NHERF2: variants seen among roughly 807,000 people sequenced by gnomAD.
The protein encoded by NHERF2 is NHERF family PDZ scaffold protein 2.
the NHERF2 span, chr16:2,037,422 G>T: frequency 9.9e-7 from 1 of 1,009,228 alleles, no homozygotes; most frequent in Non-Finnish European, 1.5e-6. Flanking sequence ...AGAGGCCCGA[G>T]GCCCCCTGCC....
chr16:2,029,600 G>A, the NHERF2 span: 1 of 1,578,064 alleles, frequency 6.3e-7, no homozygotes, highest in African/African-American at 1.3e-5. Context: ...AAGGATCAAG[G>A]CTGTGGAGGG....
chr16:2,036,529 T>C, the NHERF2 span: 36 of 1,560,650 alleles, frequency 2.3e-5, no homozygotes, highest in Non-Finnish European at 3.0e-5. Flanking sequence ...GGCTGCGGGG[T>C]GCCGAGTGCC....
the NHERF2 span, chr16:2,036,371 G>C: frequency 6.2e-7 from 1 of 1,610,704 alleles, no homozygotes. Flanking sequence ...TCTGCCACCT[G>C]CGAAAGGGAC....
chr16:2,033,547 CAATGAAGGCCTTTCT>C, the NHERF2 span: 2 of 1,124,836 alleles, frequency 1.8e-6, no homozygotes, highest in Admixed American at 5.4e-5. Flanking sequence ...CGCTGAGCAA[CAATGAAGGCCTTTCT>C]CTGCCAGGGC....
the NHERF2 span, chr16:2,029,606 G>A: frequency 6.3e-7 from 1 of 1,579,486 alleles, no homozygotes. Context: ...CAAGGCTGTG[G>A]AGGGGCAGAC....
chr16:2,029,709 C>G, the NHERF2 span: 1 of 1,556,262 alleles, frequency 6.4e-7, no homozygotes, highest in African/African-American at 1.4e-5. Flanking sequence ...GGGCTCCCAC[C>G]CGCCCACGAC....
the NHERF2 span, among the ~76,000 whole-genome samples, chr16:2,031,880 C>T: frequency 6.6e-6 from 1 of 151,908 alleles, no homozygotes; most frequent in African/African-American, 2.4e-5. Context: ...TTAGTAGAGA[C>T]GGGGTTTCAC....
chr16:2,037,111 T>C, the NHERF2 span: 3 of 1,274,202 alleles, frequency 2.4e-6, no homozygotes, highest in South Asian at 2.6e-5. Context: ...TGACACCCGA[T>C]TTTAGCCCTG....
the NHERF2 span, chr16:2,037,549 C>T: frequency 3.1e-6 from 5 of 1,611,678 alleles, no homozygotes; most frequent in South Asian, 1.1e-5. Context: ...TCAATGGTGG[C>T]TCTGCGTGCT....
At chr16:2,036,567 G>T in the NHERF2 span, 2 of 1,528,212 alleles carry the variant, frequency 1.3e-6, no homozygotes, top group Non-Finnish European at 8.8e-7. Context: ...GGGGCCCTGG[G>T]TCCTTGCAGG....
the NHERF2 span, chr16:2,036,037 G>A: frequency 1.4e-5 from 6 of 443,524 alleles, no homozygotes; most frequent in East Asian, 2.2e-4. Flanking sequence ...CTCCCACCCT[G>A]CCTGTGCGCC....
chr16:2,035,860 G>A, the NHERF2 span: 10 of 216,194 alleles, frequency 4.6e-5, 1 homozygote, highest in South Asian at 3.4e-4. Flanking sequence ...AGCCGCCACC[G>A]CAGCCAGCCC....
At chr16:2,032,224 T>C in the NHERF2 span, among the ~76,000 whole-genome samples, 1 of 152,100 alleles carries the variant, frequency 6.6e-6, no homozygotes, top group Non-Finnish European at 1.5e-5. The surrounding 1 kb of genome is among the most constrained non-coding windows in gnomAD (Gnocchi z 4.0). Context: ...TTCACCGTGT[T>C]GGCCAGGCTG....
chr16:2,029,862 TG>T, the NHERF2 span: 1 of 1,274,912 alleles, frequency 7.8e-7, no homozygotes, highest in Non-Finnish European at 1.1e-6. Context: ...TCTTTGCCTT[TG>T]GTCACCTCCA....
chr16:2,038,291 G>C, the NHERF2 span: 1 of 540,790 alleles, frequency 1.8e-6, no homozygotes, highest in Non-Finnish European at 3.4e-6. Flanking sequence ...GCCGCGGGGC[G>C]AGGGCCTTTG....
At chr16:2,036,732 A>C in the NHERF2 span, 1 of 1,611,914 alleles carries the variant, frequency 6.2e-7, no homozygotes, top group South Asian at 1.1e-5. Flanking sequence ...CGGCAGGTGA[A>C]CGGGCAGAAT....
At chr16:2,031,862 T>G in the NHERF2 span, among the ~76,000 whole-genome samples, 1 of 151,960 alleles carries the variant, frequency 6.6e-6, no homozygotes, top group Non-Finnish European at 1.5e-5. Context: ...TGACTAATTT[T>G]TGTGTTTTTA....
chr16:2,036,211 C>A, the NHERF2 span: 2 of 1,118,812 alleles, frequency 1.8e-6, no homozygotes, highest in East Asian at 2.6e-5. Context: ...GAGACCTGGG[C>A]CTGCCCGTGG....
At chr16:2,036,247 T>C in the NHERF2 span, 1,403 of 1,428,542 alleles carry the variant, frequency 9.8e-4, 12 homozygotes, top group African/African-American at 0.017. Context: ...GTTTGGGCAG[T>C]GGCGGCACCA....
Sources: allele counts gnomAD v4.1 joint callset (sites outside exome capture counted in the v4.1 genomes callset), GRCh38; gene constraint gnomAD v4.1.1; non-coding constraint Gnocchi (gnomAD v3.1); transcripts MANE v1.5; gene names NCBI Gene and HGNC (gene_info 2026-07-23, HGNC 2026-07-21).